The following CSRNP2 variants were observed in gnomAD, a reference collection of about 807,000 sequenced individuals.
CSRNP2 encodes the protein cysteine and serine rich nuclear protein 2, also known as cysteine/serine-rich nuclear protein 2.
Under a neutral mutation model 36.6 loss-of-function variants are expected in CSRNP2, and 11 were observed. The ratio of observed to expected loss-of-function variants is 0.30; its 90% CI spans 0.19 to 0.50. CSRNP2 has a LOEUF of 0.50. Ranked by LOEUF, CSRNP2 falls within the 20% of genes least tolerant of loss-of-function variation. The pLI, the probability that CSRNP2 is intolerant of heterozygous loss-of-function variation, is 0.98. For synonymous variants in CSRNP2, 248 were observed against 275.3 expected (o/e 0.90, Z 0.98); for missense variants, 483 against 691.4 (o/e 0.70, Z 3.38).
rs775325554 is a variant in CSRNP2 at position 51,073,867 on chromosome 12, G to A, written c.367C>T (p.Arg123Cys). ...AGTTTCTCTTCCTTCAGGTGCTCACGCAGAATCTCTCGATGGTTCACCTCC... is the reference window on the plus strand; with the variant it reads ...AGTTTCTCTTCCTTCAGGTGCTCACACAGAATCTCTCGATGGTTCACCTCC... ...EQEVNHREILREHLKEEKLHA... is the reference protein window; with the variant it reads ...EQEVNHREILCEHLKEEKLHA... The change falls in exon 3 of 5, where the codon CGT (arginine) becomes TGT (cysteine). Residue 123 changes from arginine (R) to cysteine (C), a missense_variant. Physicochemically the swap from Arg to Cys is radical, Grantham distance 180. This residue lies in a region of CSRNP2 where 206 missense variants were observed against 367.8 expected (regional missense o/e 0.56). Transcript: ENST00000228515. 4 of 1,613,840 alleles carry A rather than the reference G, an allele frequency of 2.5e-6. No individual in the cohort carries two copies. Among genetic ancestry groups the A allele is most frequent in the East Asian group, 2.2e-5 (1 of 44,870 alleles).
At position 51,064,643 on chromosome 12, in the gene CSRNP2, G is replaced by A. The variant is rs1937917073; in HGVS notation, c.735C>T (p.Gly245=). The change falls in exon 5 of 5, where the codon GGC becomes GGT. Residue 245 remains glycine, a synonymous_variant. Coordinates refer to ENST00000228515, the MANE Select transcript of CSRNP2 (RefSeq NM_030809.3). ...TGTTCCCACAGCCATCCCGGGAGCA[G>A]CCACATGGAAAGGACATGCGATCCA... ...CQVDRMSFPC[G]CSRDGCGNMA... is the part of the protein sequence containing the mutation. 1 of 1,530,970 alleles carries A rather than the reference G, an allele frequency of 6.5e-7. No homozygotes were observed. Among genetic ancestry groups the A allele is most frequent in the Non-Finnish European group, 8.8e-7 (1 of 1,137,260 alleles). 94.8% of individuals were successfully genotyped at this position (1,530,970 alleles called of 1,614,324 possible). A position where few individuals can be genotyped will look rare whatever the true frequency, so the allele number is the denominator to read the frequency against.
chr12:51,079,899 C>T (rs1335081103), intron 1 of CSRNP2, among the ~76,000 whole-genome samples: 3 of 150,340 alleles, frequency 2.0e-5, no homozygotes, highest in African/African-American at 7.3e-5. Flanking sequence ...ATGGTGAAAC[C>T]CCGTCTCTAC....
intron 2 of CSRNP2, 50 bp from the exon 3 acceptor site, chr12:51,074,132 T>C (rs778148557): frequency 5.8e-6 from 9 of 1,556,916 alleles, no homozygotes; most frequent in Middle Eastern, 2.2e-4. Flanking sequence ...TATTTATTTA[T>C]TTAGAGATGG....
At chr12:51,068,899 G>C (rs1018338427) in intron 3 of CSRNP2, among the ~76,000 whole-genome samples, 2 of 152,218 alleles carry the variant, frequency 1.3e-5, no homozygotes, top group Non-Finnish European at 2.9e-5. Context: ...TCATTCTACT[G>C]TAAGGAGAAA....
intron 1 of CSRNP2, among the ~76,000 whole-genome samples, chr12:51,077,472 T>C (rs1939445869): frequency 1.3e-5 from 2 of 152,186 alleles, no homozygotes; most frequent in South Asian, 4.1e-4. Context: ...GAACCCACTG[T>C]TTCCAAGGTA....
In CSRNP2 at chr12:51,064,491, G is replaced by C. The variant is rs147317231; in HGVS notation, c.887C>G (p.Pro296Arg). ...TCCTGTCAGGCTGCAACTGGCAGTC[G>C]GGGAGGGCTCCTCATCTGGGGCTGC... is the stretch of plus-strand genomic sequence containing the variant. ...RPAAPDEEPS[P>R]TASCSLTGAQ... The change falls in exon 5 of 5, where the codon CCG (proline) becomes CGG (arginine). Residue 296 changes from proline to arginine, a missense_variant. Around this residue, in one of 2 missense-constraint regions of CSRNP2, gnomAD observed 277 missense variants for 323.6 expected, o/e 0.86. Coordinates refer to ENST00000228515, the MANE Select transcript of CSRNP2 (RefSeq NM_030809.3). 2.5e-6 allele frequency: 4 copies of C among 1,610,744 alleles called. No individual in the cohort carries two copies. In the Admixed American group the frequency reaches 5.0e-5, roughly 20 times the overall value.
chr12:51,079,079 T>C lies in CSRNP2; in HGVS notation c.-86-2432A>G, dbSNP rs1939511432. 3.9e-5 allele frequency among the ~76,000 whole-genome samples: 6 copies of C among 152,250 alleles called. No homozygotes were observed. The South Asian group carries it at 1.2e-3, about 32-fold the overall frequency. On this transcript the variant is annotated intron_variant, in intron 1 of 4. Transcript: ENST00000228515. Reference sequence around the variant, plus strand: ...TGAGTTCATGTCCTTTGTATGGACATGGATGAAGCTGGAAACCATCATTCT... The same window carrying C: ...TGAGTTCATGTCCTTTGTATGGACACGGATGAAGCTGGAAACCATCATTCT...
rs753157174 is a variant in CSRNP2, at chr12:51,062,175, C to T, written c.*1571G>A. On this transcript the variant is annotated 3_prime_UTR_variant, in exon 5 of 5. Coordinates refer to ENST00000228515, the MANE Select transcript of CSRNP2 (RefSeq NM_030809.3). ...AGGGGTGAAATGCTGCTGCGACATA[C>T]GTGATGGTTTCTGTAAGACACCAGG... 5 of 152,204 alleles carry T rather than the reference C, an allele frequency of 3.3e-5. No homozygotes were observed. Among genetic ancestry groups the T allele is most frequent in the Non-Finnish European group, 5.9e-5 (4 of 68,036 alleles). 9.4% of individuals were successfully genotyped at this position (152,204 alleles called of 1,614,324 possible).
rs916610986 is a variant in CSRNP2, at chr12:51,064,107, T to C, written c.1271A>G (p.Gln424Arg). 3 of 1,614,226 alleles carry C rather than the reference T, an allele frequency of 1.9e-6. No homozygotes were observed. The highest frequency in any genetic ancestry group is 1.7e-6 in the Non-Finnish European group (2 of 1,180,048). Residue 424 changes from glutamine to arginine, a missense_variant, in exon 5 of 5, where the codon CAG becomes CGG. By Grantham distance (43) the Gln-to-Arg change is conservative. Transcript: ENST00000228515. ...SGPLVYYQVE[Q>R]RPVLGVKGEP... ...TCCTTTCACTCCCAAGACTGGCCTC[T>C]GCTCCACTTGATAATAGACCAGGGG...
At chr12:51,078,254 C>T (rs551578598) in intron 1 of CSRNP2, among the ~76,000 whole-genome samples, 1 of 152,250 alleles carries the variant, frequency 6.6e-6, no homozygotes, top group Non-Finnish European at 1.5e-5. Context: ...GTCAACCAGA[C>T]GTAATAAGTA....
chr12:51,076,589 CCCA>C lies in CSRNP2; in HGVS notation c.-31_-29del, dbSNP rs1939412731. On this transcript the variant is annotated 5_prime_UTR_variant, in exon 2 of 5. Coordinates refer to ENST00000228515, the MANE Select transcript of CSRNP2 (RefSeq NM_030809.3). Reference sequence around the variant, plus strand: ...GTTTCAAAGGGGTTTCCTTGGGGAGCCCACCAAGTTGGCCCCAAAGCCCCTACT... The same window carrying C: ...GTTTCAAAGGGGTTTCCTTGGGGAGCCCAAGTTGGCCCCAAAGCCCCTACT... The C allele has an allele frequency of 6.2e-7, 1 of 1,613,046 alleles. No homozygotes were observed. Among genetic ancestry groups the C allele is most frequent in the African/African-American group, 1.3e-5 (1 of 74,992 alleles).
At chr12:51,077,828 T>C (rs1939456476) in intron 1 of CSRNP2, among the ~76,000 whole-genome samples, 1 of 152,220 alleles carries the variant, frequency 6.6e-6, no homozygotes. Flanking sequence ...GAAGTAACTA[T>C]TTATTCTGGT....
rs139482842 is a variant in CSRNP2, at chr12:51,076,548, G to A, written c.14C>T (p.Thr5Met). The part of the protein sequence containing the change: MDAF[T>M]GSGLKRKFDD... ...AAACTTCCTCTTGAGACCCGAGCCC[G>A]TGAATGCATCCATTGGTTTCAAAGG... Residue 5 changes from threonine to methionine, a missense_variant, in exon 2 of 5, where the codon ACG becomes ATG. Thr to Met is a moderately conservative substitution (Grantham distance 81). Around this residue, in one of 2 missense-constraint regions of CSRNP2, gnomAD observed 206 missense variants for 367.8 expected, o/e 0.56. Transcript: ENST00000228515. 142 of 1,613,862 alleles carry A rather than the reference G, an allele frequency of 8.8e-5. No individual in the cohort carries two copies. The Middle Eastern group carries it at 9.9e-4, about 11-fold the overall frequency.
intron 4 of CSRNP2, among the ~76,000 whole-genome samples, chr12:51,066,706 T>C (rs1037070186): frequency 6.6e-6 from 1 of 152,122 alleles, no homozygotes; most frequent in Non-Finnish European, 1.5e-5. Context: ...GGTTTTAAGC[T>C]CTGCTAGGCC....
At chr12:51,065,858 C>T (rs1439359796) in intron 4 of CSRNP2, among the ~76,000 whole-genome samples, 1 of 152,158 alleles carries the variant, frequency 6.6e-6, no homozygotes, top group Non-Finnish European at 1.5e-5. Context: ...AGATATACCA[C>T]AGTTATTTGT....
chr12:51,063,130 T>C lies in CSRNP2; in HGVS notation c.*616A>G, dbSNP rs970492578. On this transcript the variant is annotated 3_prime_UTR_variant, in exon 5 of 5. Coordinates refer to ENST00000228515, the MANE Select transcript of CSRNP2 (RefSeq NM_030809.3). Reference sequence around the variant, plus strand: ...AGTTACAGACCAGGAATCCCCAGTGTGGGGAACAGGTCAGAGAACACCAAA... The same window carrying C: ...AGTTACAGACCAGGAATCCCCAGTGCGGGGAACAGGTCAGAGAACACCAAA... 50 of 152,112 alleles carry C rather than the reference T, an allele frequency of 3.3e-4. No homozygotes were observed. The highest frequency in any genetic ancestry group is 1.2e-3 in the African/African-American group (49 of 41,400). 9.4% of individuals were successfully genotyped at this position (152,112 alleles called of 1,614,324 possible).
chr12:51,072,425 T>G (rs1224366562), intron 3 of CSRNP2, among the ~76,000 whole-genome samples: 1 of 150,878 alleles, frequency 6.6e-6, no homozygotes, highest in Non-Finnish European at 1.5e-5. Context: ...TAGCCGGGTG[T>G]GGTGTTGGGC....
intron 1 of CSRNP2, among the ~76,000 whole-genome samples, chr12:51,079,769 CAAAAAA>C (rs35767986): frequency 2.9e-4 from 10 of 35,012 alleles, no homozygotes; most frequent in Non-Finnish European, 3.2e-4. Context: ...GAGACCTTGT[CAAAAAA>C]AAAAAAAAAA....
intron 4 of CSRNP2, among the ~76,000 whole-genome samples, chr12:51,066,653 G>A (rs1456182193): frequency 9.6e-5 from 13 of 134,872 alleles, no homozygotes; most frequent in African/African-American, 2.7e-4. Flanking sequence ...AAAAAAAAAA[G>A]GGCAGCCAAC....
Sources: allele counts gnomAD v4.1 joint callset (sites outside exome capture counted in the v4.1 genomes callset), GRCh38; gene constraint gnomAD v4.1.1; regional missense constraint gnomAD v4.1.1; transcripts MANE v1.5; gene names NCBI Gene and HGNC (gene_info 2026-07-23, HGNC 2026-07-21).